Variants in CCDC152 observed in about 807,000 individuals in gnomAD.
CCDC152 encodes coiled-coil domain containing 152, also known as coiled-coil domain-containing protein 152.
A neutral mutation model predicts 38.1 loss-of-function variants in CCDC152; 37 were observed. The observed-to-expected ratio is 0.97, with a 90% CI of 0.75 to 1.28. The LOEUF is 1.28. Ranked by LOEUF, CCDC152 falls within the 50% of genes most tolerant of loss-of-function variation. CCDC152 has a pLI of 0.00. For synonymous variants in CCDC152, 83 were observed against 87.1 expected, an observed-to-expected ratio of 0.95 and a Z score of 0.26; for missense variants, 259 against 292.1, an observed-to-expected ratio of 0.89 and a Z score of 0.83.
chr5:42,801,300 A>G lies in CCDC152; in HGVS notation c.*1519A>G. 1.9e-6 allele frequency: 3 copies of G among 1,611,748 alleles called. No individual in the cohort carries two copies. The highest frequency in any genetic ancestry group is 2.5e-6 in the Non-Finnish European group (3 of 1,178,914). The stretch of plus-strand genomic sequence containing the variant: ...TGTTTTATCCACAGTAGCCAAAGAT[A>G]CACGTTTACAAAAGTCTTCATCTTT... On this transcript the variant is annotated 3_prime_UTR_variant, in exon 9 of 9. Coordinates refer to ENST00000361970, the MANE Select transcript of CCDC152 (RefSeq NM_001134848.2).
At position 42,800,905 on chromosome 5, in the gene CCDC152, T is replaced by C. The variant is rs1267180523; in HGVS notation, c.*1124T>C. On this transcript the variant is annotated 3_prime_UTR_variant, in exon 9 of 9. Transcript: ENST00000361970. Reference sequence around the variant, plus strand: ...CTACATAAAGATGGGAGGTTTTCTTTACACTGTCAGGTGATTGCAGACCCT... The same window carrying C: ...CTACATAAAGATGGGAGGTTTTCTTCACACTGTCAGGTGATTGCAGACCCT... The C allele has an allele frequency of 1.2e-6, 2 of 1,614,236 alleles. No individual in the cohort carries two copies.
At chr5:42,770,894 A>G (rs771606648) in intron 4 of CCDC152, among the ~76,000 whole-genome samples, 31 of 152,140 alleles carry the variant, frequency 2.0e-4, no homozygotes, top group Middle Eastern at 3.4e-3. Context: ...GCCATTATGT[A>G]TAGGATTGTT....
chr5:42,783,259 C>T (rs1759872342), intron 5 of CCDC152, among the ~76,000 whole-genome samples: 3 of 151,796 alleles, frequency 2.0e-5, no homozygotes, highest in Admixed American at 1.3e-4. Context: ...AAACAATGAA[C>T]AATATTTTTC....
At chr5:42,770,769 G>T (rs543186305) in intron 4 of CCDC152, among the ~76,000 whole-genome samples, 2 of 152,066 alleles carry the variant, frequency 1.3e-5, no homozygotes, top group African/African-American at 4.8e-5. Context: ...CTATTTATCT[G>T]TGTCTTCTTT....
chr5:42,794,264 A>T (rs1760044687), intron 6 of CCDC152, among the ~76,000 whole-genome samples: 1 of 152,218 alleles, frequency 6.6e-6, no homozygotes, highest in African/African-American at 2.4e-5. Flanking sequence ...AAATACTGAG[A>T]ACAAACTGGA....
intron 2 of CCDC152, among the ~76,000 whole-genome samples, chr5:42,760,964 TA>T (rs1315090498): frequency 6.6e-6 from 1 of 152,186 alleles, no homozygotes. Context: ...GTGATGATGG[TA>T]TTGTGGCCAT....
intron 2 of CCDC152, among the ~76,000 whole-genome samples, 186 bp from the exon 3 acceptor site, chr5:42,762,257 C>G (rs1036895445): frequency 6.6e-6 from 1 of 152,172 alleles, no homozygotes; most frequent in African/African-American, 2.4e-5. Flanking sequence ...CTTGTGGCAC[C>G]ACTGTTCTAT....
chr5:42,777,320 G>C (rs1055320507), intron 4 of CCDC152, among the ~76,000 whole-genome samples: 59 of 151,930 alleles, frequency 3.9e-4, no homozygotes, highest in Non-Finnish European at 2.9e-5. Flanking sequence ...AAAATTAGCC[G>C]GGCATGGTGG....
intron 5 of CCDC152, 95 bp from the exon 6 acceptor site, chr5:42,783,379 A>G (rs944886438): frequency 4.2e-5 from 18 of 424,026 alleles, no homozygotes; most frequent in African/African-American, 3.0e-4. Flanking sequence ...AAGTATTTAA[A>G]AAGTAATATG....
chr5:42,790,642 G>T (rs1759986416), intron 6 of CCDC152, among the ~76,000 whole-genome samples: 1 of 152,162 alleles, frequency 6.6e-6, no homozygotes, highest in Non-Finnish European at 1.5e-5. Flanking sequence ...CTGTAATACA[G>T]GTTTAACCTC....
At chr5:42,779,029 C>G (rs906558264) in intron 4 of CCDC152, among the ~76,000 whole-genome samples, 7 of 152,128 alleles carry the variant, frequency 4.6e-5, no homozygotes, top group Non-Finnish European at 1.0e-4. Context: ...TATATTCACT[C>G]AAGCCCATGG....
At chr5:42,797,659 C>T (rs230812) in intron 7 of CCDC152, among the ~76,000 whole-genome samples, 2 of 151,840 alleles carry the variant, frequency 1.3e-5, no homozygotes. Context: ...TCATCCCAGC[C>T]GAAATTTGTC....
chr5:42,789,805 T>C (rs1759973843), intron 6 of CCDC152, among the ~76,000 whole-genome samples: 1 of 152,190 alleles, frequency 6.6e-6, no homozygotes, highest in African/African-American at 2.4e-5. Flanking sequence ...CCTATCTTTA[T>C]GCACATCATA....
chr5:42,768,352 C>T (rs6451643), intron 3 of CCDC152, among the ~76,000 whole-genome samples: 112,610 of 151,594 alleles, frequency 0.74, 42,318 homozygotes, highest in East Asian at 1. Context: ...CCACAAGTGT[C>T]CTAAACAGTA....
At chr5:42,779,732 A>G (rs1315792499) in intron 5 of CCDC152, among the ~76,000 whole-genome samples, 1 of 148,598 alleles carries the variant, frequency 6.7e-6, no homozygotes, top group Non-Finnish European at 1.5e-5. Context: ...TTTTTTTTTT[A>G]CAAAATATAA....
rs200706035 is a variant in CCDC152 at position 42,800,677 on chromosome 5, T to C, written c.*896T>C. The stretch of plus-strand genomic sequence containing the variant: ...GTTTATAAAAATGCTGGAAATGAAA[T>C]TGTGTCTAGACTAAATTGGGGAGTA... On this transcript the variant is annotated 3_prime_UTR_variant, in exon 9 of 9. Coordinates refer to ENST00000361970, the MANE Select transcript of CCDC152 (RefSeq NM_001134848.2). 8.7e-4 allele frequency: 1,328 copies of C among 1,519,704 alleles called. 24 individuals carry two copies. The South Asian group carries it at 0.016, about 18-fold the overall frequency. The allele number at this position is 1,519,704 out of a possible 1,614,324, so 94.1% of individuals were successfully genotyped here.
Position 42,779,528 on chromosome 5 carries a change from T to G in CCDC152, c.327+6T>G. 6.9e-7 allele frequency: 1 copy of G among 1,445,366 alleles called. No homozygotes were observed. The highest frequency in any genetic ancestry group is 2.0e-5 in the Admixed American group (1 of 49,864). The allele number at this position is 1,445,366 out of a possible 1,614,324, so 89.5% of individuals were successfully genotyped here. On this transcript the variant is annotated splice_donor_region_variant and intron_variant, in intron 5 of 8. Coordinates refer to ENST00000361970, the MANE Select transcript of CCDC152 (RefSeq NM_001134848.2). The stretch of plus-strand genomic sequence containing the variant: ...AGTTAAAGTCTCATGAACAGGTGAG[T>G]TTATGTATCATTCTATTCAGTCAAG...
chr5:42,789,087 A>T (rs1257662856), intron 6 of CCDC152, among the ~76,000 whole-genome samples: 1 of 152,194 alleles, frequency 6.6e-6, no homozygotes, highest in African/African-American at 2.4e-5. Flanking sequence ...TTCCTAAATG[A>T]CCACCAACAG....
intron 3 of CCDC152, among the ~76,000 whole-genome samples, chr5:42,763,118 A>G (rs1453423188): frequency 6.6e-6 from 1 of 152,188 alleles, no homozygotes; most frequent in Non-Finnish European, 1.5e-5. Flanking sequence ...AATATGCACA[A>G]TAAGCCTCAA....
Sources: allele counts gnomAD v4.1 joint callset (sites outside exome capture counted in the v4.1 genomes callset), GRCh38; gene constraint gnomAD v4.1.1; transcripts MANE v1.5; gene names NCBI Gene and HGNC (gene_info 2026-07-23, HGNC 2026-07-21).